Variants in ARHGAP8 observed in about 807,000 individuals in gnomAD.
ARHGAP8 encodes rho GTPase-activating protein 8.
In ARHGAP8, 62 loss-of-function variants were observed where a neutral mutation model predicts 46.1. That is an observed-to-expected ratio of 1.34 (90% CI 1.10 to 1.66). ARHGAP8 has a LOEUF of 1.66. ARHGAP8 is among the 40% of genes most tolerant of loss of function. ARHGAP8 has a pLI of 0.00. For synonymous variants in ARHGAP8, 375 were observed against 243.1 expected (o/e 1.54, Z -5.05); for missense variants, 923 against 568.4 (o/e 1.62, Z -6.34).
intron 11 of ARHGAP8, among the ~76,000 whole-genome samples, chr22:44,861,040 G>A (rs1173817406): frequency 1.3e-5 from 2 of 152,188 alleles, no homozygotes; most frequent in Non-Finnish European, 2.9e-5. Context: ...GTCTTGCTCT[G>A]TTGCCCTAGC....
chr22:44,813,772 C>T (rs531123850), intron 4 of ARHGAP8, among the ~76,000 whole-genome samples: 7 of 132,434 alleles, frequency 5.3e-5, no homozygotes, highest in Admixed American at 4.1e-4. Flanking sequence ...TACACTTACA[C>T]CTACATACAC....
At chr22:44,847,927 C>G in intron 8 of ARHGAP8, 46 bp from the exon 9 acceptor site, 4 of 1,602,232 alleles carry the variant, frequency 2.5e-6, no homozygotes, top group South Asian at 1.1e-5. Flanking sequence ...CCTGGAAGCC[C>G]TTTGGGCTGG....
chr22:44,842,982 T>C (rs1198640927), intron 7 of ARHGAP8, among the ~76,000 whole-genome samples: 1 of 152,204 alleles, frequency 6.6e-6, no homozygotes, highest in Non-Finnish European at 1.5e-5. Context: ...CGTTTTCATT[T>C]TCATCTTGGT....
At chr22:44,825,781 G>A (rs562555494) in intron 7 of ARHGAP8, among the ~76,000 whole-genome samples, 188 bp downstream of exon 7, 94 of 148,568 alleles carry the variant, frequency 6.3e-4, no homozygotes, top group Middle Eastern at 3.4e-3. Flanking sequence ...TTGGGGGGGC[G>A]CGTGCTCGCT....
chr22:44,763,461 C>T (rs1602141907), intron 1 of ARHGAP8, among the ~76,000 whole-genome samples: 1 of 136,598 alleles, frequency 7.3e-6, no homozygotes, highest in African/African-American at 2.8e-5. Flanking sequence ...CACTGCATTC[C>T]AGCCCGGGTG....
chr22:44,837,428 G>A (rs1057338697), intron 7 of ARHGAP8, among the ~76,000 whole-genome samples: 1 of 152,216 alleles, frequency 6.6e-6, no homozygotes, highest in Admixed American at 6.5e-5. Flanking sequence ...GTGCTCCAGA[G>A]TCCTCCTGCC....
Position 44,786,482 on chromosome 22 carries a change from G to T in ARHGAP8, c.-46G>T, listed in dbSNP as rs200246798. 2.5e-6 allele frequency: 4 copies of T among 1,609,430 alleles called. No individual in the cohort carries two copies. Among genetic ancestry groups the T allele is most frequent in the Non-Finnish European group, 3.4e-6 (4 of 1,178,200 alleles). On this transcript the variant is annotated 5_prime_UTR_variant, in exon 2 of 12. Transcript: ENST00000356099. ...AGCTGCAGAGAGACAAGGCGGCGGCGGCTGCTGTGCTGGGTGCAGTGAGGA... is the reference window on the plus strand; with the variant it reads ...AGCTGCAGAGAGACAAGGCGGCGGCTGCTGCTGTGCTGGGTGCAGTGAGGA...
At chr22:44,823,176 G>A (rs530627795) in intron 6 of ARHGAP8, among the ~76,000 whole-genome samples, 2 of 152,294 alleles carry the variant, frequency 1.3e-5, no homozygotes, top group Admixed American at 6.5e-5. Context: ...GGCAGGTGCT[G>A]GGATATAGAG....
intron 7 of ARHGAP8, among the ~76,000 whole-genome samples, chr22:44,826,670 C>T (rs1930545007): frequency 6.6e-6 from 1 of 152,212 alleles, no homozygotes; most frequent in South Asian, 2.1e-4. Flanking sequence ...AAGCGATCCA[C>T]CCCTCTCAGC....
chr22:44,812,739 A>T (rs1207553214), intron 4 of ARHGAP8, among the ~76,000 whole-genome samples: 1 of 152,100 alleles, frequency 6.6e-6, no homozygotes, highest in Non-Finnish European at 1.5e-5. Context: ...TTGTCAAAAT[A>T]CTTTTCACTT....
intron 1 of ARHGAP8, among the ~76,000 whole-genome samples, chr22:44,768,748 A>G (rs1359681309): frequency 1.3e-5 from 2 of 151,826 alleles, no homozygotes; most frequent in African/African-American, 2.4e-5. Context: ...GCAGGAAGGT[A>G]TGACATCAGG....
intron 10 of ARHGAP8, chr22:44,849,878 C>A (rs1238406026): frequency 6.6e-6 from 1 of 152,172 alleles, no homozygotes; most frequent in Non-Finnish European, 1.5e-5. Flanking sequence ...TTTGTCCTGG[C>A]CCCTGGGGGG....
intron 7 of ARHGAP8, among the ~76,000 whole-genome samples, chr22:44,835,880 GTAGGATATGC>G (rs1931251113): frequency 6.6e-6 from 1 of 151,942 alleles, no homozygotes; most frequent in African/African-American, 2.4e-5. Context: ...TCCTGTGTGC[GTAGGATATGC>G]TCTTCTTCGG....
intron 1 of ARHGAP8, among the ~76,000 whole-genome samples, chr22:44,771,968 C>A (rs1166026777): frequency 1.3e-5 from 2 of 152,118 alleles, no homozygotes; most frequent in Non-Finnish European, 2.9e-5. Flanking sequence ...GAAGGGCTAT[C>A]ACTGTTCATT....
intron 7 of ARHGAP8, 70 bp downstream of exon 7, chr22:44,825,663 C>G: frequency 6.6e-7 from 1 of 1,505,674 alleles, no homozygotes; most frequent in Non-Finnish European, 8.9e-7. Context: ...CTTCTGGGTC[C>G]AGAAATATTT....
At chr22:44,847,024 C>T (rs1026006634) in intron 8 of ARHGAP8, among the ~76,000 whole-genome samples, 4 of 152,108 alleles carry the variant, frequency 2.6e-5, no homozygotes, top group African/African-American at 7.2e-5. Flanking sequence ...AGTGCGGGAG[C>T]GTGCGGGGCT....
At chr22:44,845,173 T>A in intron 7 of ARHGAP8, 96 bp from the exon 8 acceptor site, 1 of 1,483,706 alleles carries the variant, frequency 6.7e-7, no homozygotes, top group Admixed American at 1.9e-5. Context: ...GGGTCCTGTG[T>A]TTTCACAGGG....
At chr22:44,822,933 C>T (rs1002484643) in intron 6 of ARHGAP8, among the ~76,000 whole-genome samples, 6 of 152,170 alleles carry the variant, frequency 3.9e-5, no homozygotes, top group Non-Finnish European at 8.8e-5. Context: ...TAAATGTAGG[C>T]CCAGATGAAT....
At chr22:44,820,407 C>G (rs1171193239) in intron 5 of ARHGAP8, among the ~76,000 whole-genome samples, 1 of 152,204 alleles carries the variant, frequency 6.6e-6, no homozygotes, top group Admixed American at 6.5e-5. Flanking sequence ...GCAAGACTCC[C>G]TTTGCCCTTA....
Sources: allele counts gnomAD v4.1 joint callset (sites outside exome capture counted in the v4.1 genomes callset), GRCh38; gene constraint gnomAD v4.1.1; transcripts MANE v1.5; gene names NCBI Gene and HGNC (gene_info 2026-07-23, HGNC 2026-07-21).